The following ZRANB3 variants were observed in gnomAD, a reference collection of about 807,000 sequenced individuals.
ZRANB3 encodes DNA annealing helicase and endonuclease ZRANB3.
Under a neutral mutation model 133.8 loss-of-function variants are expected in ZRANB3, and 125 were observed. That is an observed-to-expected ratio of 0.93 (90% confidence interval 0.81 to 1.08). The LOEUF is 1.08. Ranked by LOEUF, ZRANB3 falls within the 50% of genes least tolerant of loss-of-function variation. The pLI, the probability that ZRANB3 is intolerant of heterozygous loss-of-function variation, is 0.00. For synonymous variants in ZRANB3, 387 were observed against 432.7 expected (o/e 0.89, Z 1.31); for missense variants, 1,229 against 1,275.5 (o/e 0.96, Z 0.56).
At chr2:135,455,790 T>C (rs1423632627) in intron 2 of ZRANB3, among the ~76,000 whole-genome samples, 1 of 150,940 alleles carries the variant, frequency 6.6e-6, no homozygotes, top group African/African-American at 2.4e-5. Flanking sequence ...GAGACGGGGT[T>C]TCACCGTGTT....
chr2:135,353,697 C>T, intron 3 of ZRANB3, 69 bp from the exon 4 acceptor site: 1 of 1,108,574 alleles, frequency 9.0e-7, no homozygotes, highest in Non-Finnish European at 1.2e-6. Flanking sequence ...ATTTATCAAA[C>T]ATTTTATTTA....
chr2:135,373,430 T>C (rs1323758010), intron 3 of ZRANB3, among the ~76,000 whole-genome samples: 1 of 151,938 alleles, frequency 6.6e-6, no homozygotes, highest in Non-Finnish European at 1.5e-5. Context: ...GAGAAAAATA[T>C]GAGACACAGA....
intron 8 of ZRANB3, among the ~76,000 whole-genome samples, chr2:135,281,805 T>C (rs1318763021): frequency 2.6e-5 from 4 of 152,262 alleles, no homozygotes; most frequent in African/African-American, 9.6e-5. Flanking sequence ...CCTAACAATG[T>C]TAGGACCTTT....
chr2:135,388,914 T>C (rs1687101127), intron 3 of ZRANB3, among the ~76,000 whole-genome samples: 1 of 151,998 alleles, frequency 6.6e-6, no homozygotes, highest in African/African-American at 2.4e-5. Context: ...CTGTCTTTAC[T>C]AAAAATACAA....
chr2:135,345,664 T>C, intron 5 of ZRANB3, 29 bp from the exon 6 acceptor site: 1 of 1,431,254 alleles, frequency 7.0e-7, no homozygotes. Context: ...TTGTAGTATG[T>C]TGTAATATTT....
intron 17 of ZRANB3, among the ~76,000 whole-genome samples, chr2:135,211,203 G>A (rs1694084706): frequency 6.6e-6 from 1 of 152,158 alleles, no homozygotes; most frequent in Middle Eastern, 3.4e-3. Context: ...TCACAAGGCT[G>A]TACAACCATC....
chr2:135,505,784 G>C (rs1693152371), intron 1 of ZRANB3, among the ~76,000 whole-genome samples: 1 of 152,056 alleles, frequency 6.6e-6, no homozygotes, highest in Admixed American at 6.6e-5. Flanking sequence ...ATATTCTTCA[G>C]GGGAAAACTA....
intron 8 of ZRANB3, among the ~76,000 whole-genome samples, chr2:135,308,229 T>C (rs1369285553): frequency 6.6e-6 from 1 of 152,142 alleles, no homozygotes; most frequent in Non-Finnish European, 1.5e-5. Flanking sequence ...CTCTGTCTTA[T>C]ATCAGTGCAG....
chr2:135,287,670 C>CTTTTTTTTTTT lies in ZRANB3; in HGVS notation c.967-11926_967-11916dup, dbSNP rs59739293. ...GTCCTTGGTTAGGTATATTTCTTTC[C>CTTTTTTTTTTT]TTTTTTTTTTTTTTTTTTGCAGCTA... On this transcript the variant is annotated intron_variant, in intron 8 of 20. Transcript: ENST00000264159. Among the ~76,000 whole-genome samples the CTTTTTTTTTTT allele has an allele frequency of 1.8e-3, 173 of 97,984 alleles. 6 individuals are homozygous for CTTTTTTTTTTT. Among genetic ancestry groups the CTTTTTTTTTTT allele is most frequent in the African/African-American group, 5.5e-3 (125 of 22,816 alleles). The allele number at this position is 97,984 out of a possible 152,430, so 64.3% of individuals were successfully genotyped here.
intron 9 of ZRANB3, among the ~76,000 whole-genome samples, chr2:135,273,041 C>T (rs1466512566): frequency 6.6e-6 from 1 of 151,848 alleles, no homozygotes; most frequent in Non-Finnish European, 1.5e-5. Context: ...AAAAAATTAG[C>T]TGGACGTGGT....
At chr2:135,273,982 G>A (rs1016683442) in intron 9 of ZRANB3, among the ~76,000 whole-genome samples, 6 of 152,182 alleles carry the variant, frequency 3.9e-5, no homozygotes, top group Non-Finnish European at 7.4e-5. Flanking sequence ...AAAATATTAC[G>A]AATCTAATTT....
intron 2 of ZRANB3, among the ~76,000 whole-genome samples, chr2:135,413,483 T>C (rs1688405230): frequency 6.6e-6 from 1 of 152,202 alleles, no homozygotes; most frequent in Admixed American, 6.5e-5. Flanking sequence ...TGAGTATTTA[T>C]TTACTGACAA....
At chr2:135,464,522 A>G (rs990580050) in intron 2 of ZRANB3, among the ~76,000 whole-genome samples, 1 of 152,240 alleles carries the variant, frequency 6.6e-6, no homozygotes, top group Non-Finnish European at 1.5e-5. Context: ...AAAAACCTTT[A>G]AAAAGTGAGA....
chr2:135,329,471 A>C (rs1275949657), intron 6 of ZRANB3, among the ~76,000 whole-genome samples: 1 of 152,198 alleles, frequency 6.6e-6, no homozygotes, highest in Non-Finnish European at 1.5e-5. Flanking sequence ...GCCTTACAGC[A>C]TAGTTTGAAG....
chr2:135,413,197 C>A (rs181814714), intron 2 of ZRANB3, among the ~76,000 whole-genome samples: 1 of 152,088 alleles, frequency 6.6e-6, no homozygotes, highest in Non-Finnish European at 1.5e-5. Context: ...CTGAACATTG[C>A]TGAGTAAGGA....
intron 2 of ZRANB3, among the ~76,000 whole-genome samples, chr2:135,485,498 G>C (rs960899768): frequency 6.6e-6 from 1 of 152,190 alleles, no homozygotes; most frequent in African/African-American, 2.4e-5. Flanking sequence ...GAATGAGATA[G>C]ATTATTACAA....
chr2:135,364,945 A>G (rs1685861699), intron 3 of ZRANB3, among the ~76,000 whole-genome samples: 1 of 152,032 alleles, frequency 6.6e-6, no homozygotes, highest in Non-Finnish European at 1.5e-5. Flanking sequence ...GCTACTCGGG[A>G]GGCTGAGGCA....
intron 2 of ZRANB3, among the ~76,000 whole-genome samples, chr2:135,488,455 A>G (rs889636298): frequency 6.6e-6 from 1 of 151,980 alleles, no homozygotes; most frequent in Non-Finnish European, 1.5e-5. Context: ...AAAGCAAATT[A>G]TAATAAAACA....
chr2:135,432,143 G>A (rs1301820305), intron 2 of ZRANB3, among the ~76,000 whole-genome samples: 2 of 152,058 alleles, frequency 1.3e-5, no homozygotes, highest in African/African-American at 2.4e-5. Flanking sequence ...CCAGCTACTC[G>A]GGAGTCTGAG....
Sources: gnomAD v4.1 joint callset for allele counts (sites outside exome capture counted in the v4.1 genomes callset) on GRCh38, gnomAD v4.1.1 for gene constraint, MANE v1.5 for transcripts, NCBI Gene and HGNC (gene_info 2026-07-23, HGNC 2026-07-21) for gene names.